The following NLGN1 variants were observed in gnomAD, a reference collection of about 807,000 sequenced individuals.
NLGN1 encodes neuroligin 1, also known as neuroligin-1.
A neutral mutation model predicts 65.5 loss-of-function variants in NLGN1; 12 were observed. The ratio of observed to expected loss-of-function variants is 0.18; its 90% CI spans 0.12 to 0.30. The LOEUF (loss-of-function observed/expected upper bound fraction) is 0.30, where lower values mean the gene tolerates loss of function less well. NLGN1 is among the 10% of genes least tolerant of loss of function. The probability of loss-of-function intolerance (pLI) is 1.00; values close to 1 mark genes in which losing one functional copy is unlikely to be tolerated. For missense variants in NLGN1, 750 were observed against 1,007.1 expected (o/e 0.74, Z 3.46); for synonymous variants, 350 against 359.5 (o/e 0.97, Z 0.30).
At chr3:174,060,069 C>T (rs1480153076) in intron 4 of NLGN1, among the ~76,000 whole-genome samples, 1 of 152,040 alleles carries the variant, frequency 6.6e-6, no homozygotes, top group Admixed American at 6.6e-5. Flanking sequence ...CATCATGGCA[C>T]CACCAATGTG....
At chr3:173,490,263 T>C (rs1728891482) in intron 2 of NLGN1, among the ~76,000 whole-genome samples, 1 of 152,204 alleles carries the variant, frequency 6.6e-6, no homozygotes, top group Non-Finnish European at 1.5e-5. Flanking sequence ...CTTGAATTTA[T>C]TTTTGTGTAA....
At chr3:174,267,365 T>A (rs963404666) in intron 4 of NLGN1, among the ~76,000 whole-genome samples, 1 of 151,980 alleles carries the variant, frequency 6.6e-6, no homozygotes, top group Non-Finnish European at 1.5e-5. Context: ...CCCAAACTCC[T>A]CCTAATAGGC....
At chr3:174,070,759 T>C (rs1020225441) in intron 4 of NLGN1, among the ~76,000 whole-genome samples, 10 of 152,296 alleles carry the variant, frequency 6.6e-5, no homozygotes, top group African/African-American at 2.4e-4. Flanking sequence ...GGTATACTCA[T>C]TGATAGTAAT....
intron 4 of NLGN1, among the ~76,000 whole-genome samples, chr3:174,100,192 A>G (rs1712083789): frequency 1.3e-5 from 2 of 151,892 alleles, no homozygotes. Flanking sequence ...TTTTGTTTCC[A>G]TTGTGTGATG....
intron 4 of NLGN1, among the ~76,000 whole-genome samples, chr3:174,028,320 TTGAATGAC>T (rs749364019): frequency 6.6e-6 from 1 of 152,122 alleles, no homozygotes; most frequent in Non-Finnish European, 1.5e-5. Flanking sequence ...TTGAGACTTG[TTGAATGAC>T]TTTGAAAAAA....
At chr3:174,005,134 C>G (rs1397190190) in intron 4 of NLGN1, among the ~76,000 whole-genome samples, 3 of 151,964 alleles carry the variant, frequency 2.0e-5, no homozygotes, top group African/African-American at 7.3e-5. Flanking sequence ...ACCTTTTATC[C>G]AAGGATATAA....
intron 4 of NLGN1, among the ~76,000 whole-genome samples, chr3:173,818,961 C>T (rs1471638036): frequency 1.5e-5 from 2 of 130,144 alleles, no homozygotes; most frequent in Non-Finnish European, 3.1e-5. Context: ...GACCTGGTGT[C>T]ATGATCTTTG....
intron 2 of NLGN1, among the ~76,000 whole-genome samples, chr3:173,489,394 TC>T (rs1322810733): frequency 1.3e-5 from 2 of 152,186 alleles, no homozygotes; most frequent in Non-Finnish European, 2.9e-5. Flanking sequence ...TTCATCTATG[TC>T]CCTACAAAGG....
At chr3:173,972,146 A>T (rs953267573) in intron 4 of NLGN1, among the ~76,000 whole-genome samples, 1 of 152,088 alleles carries the variant, frequency 6.6e-6, no homozygotes, top group Admixed American at 6.6e-5. Flanking sequence ...AATATCCCAC[A>T]TTTCTTTTCC....
In NLGN1 at chr3:173,604,819, TG is replaced by T; in HGVS notation, c.225del (p.Pro76LeufsTer81). ...AAGAAGGAACTCAATAATGAAATTT[TG>T]GGGCCTGTTATTCAATTTCTTGGGG... On this transcript the variant is annotated frameshift_variant, in exon 3 of 7. Transcript: ENST00000457714. LOFTEE classifies it high-confidence loss of function. 1 of 1,613,770 alleles carries T rather than the reference TG, an allele frequency of 6.2e-7. No homozygotes were observed. The highest frequency in any genetic ancestry group is 8.5e-7 in the Non-Finnish European group (1 of 1,179,768).
At chr3:174,031,090 C>T (rs952100214) in intron 4 of NLGN1, among the ~76,000 whole-genome samples, 8 of 152,078 alleles carry the variant, frequency 5.3e-5, no homozygotes, top group Non-Finnish European at 1.5e-5. Context: ...ATACTGGCAG[C>T]CAAGTTTATA....
At chr3:173,590,646 A>G (rs1225620108) in intron 2 of NLGN1, among the ~76,000 whole-genome samples, 1 of 152,186 alleles carries the variant, frequency 6.6e-6, no homozygotes, top group African/African-American at 2.4e-5. Flanking sequence ...GGATGTTAGT[A>G]ACTAAACATG....
At chr3:174,168,654 T>C (rs1727973346) in intron 4 of NLGN1, among the ~76,000 whole-genome samples, 1 of 152,144 alleles carries the variant, frequency 6.6e-6, no homozygotes, top group Non-Finnish European at 1.5e-5. Flanking sequence ...AGAAGCTGTC[T>C]GTTGTCTCAG....
chr3:173,961,685 G>C (rs1483546374), intron 4 of NLGN1, among the ~76,000 whole-genome samples: 3 of 152,024 alleles, frequency 2.0e-5, no homozygotes, highest in Admixed American at 2.0e-4. Flanking sequence ...CAAAAATGTG[G>C]ATGGGTGCCC....
At chr3:173,968,701 T>TC (rs1478952411) in intron 4 of NLGN1, among the ~76,000 whole-genome samples, 3 of 133,316 alleles carry the variant, frequency 2.3e-5, no homozygotes, top group African/African-American at 8.6e-5. Context: ...TTTTTTTTTT[T>TC]TTTTTTTTTT....
At chr3:173,810,545 A>G (rs955033798) in intron 4 of NLGN1, among the ~76,000 whole-genome samples, 10 of 152,214 alleles carry the variant, frequency 6.6e-5, no homozygotes, top group African/African-American at 2.4e-4. Context: ...GGTTGGAACA[A>G]TCAGGATGTC....
chr3:173,611,834 T>C (rs1306778763), intron 3 of NLGN1, among the ~76,000 whole-genome samples: 1 of 152,044 alleles, frequency 6.6e-6, no homozygotes, highest in East Asian at 1.9e-4. Flanking sequence ...GAAACTGGGG[T>C]TGAAGTTGAA....
rs146567891 is a variant in NLGN1, at chr3:173,718,354, A to G, written c.494-89326A>G. 2.8e-3 allele frequency among the ~76,000 whole-genome samples: 427 copies of G among 152,246 alleles called. 2 individuals carry two copies. Among genetic ancestry groups the G allele is most frequent in the African/African-American group, 9.6e-3 (400 of 41,566 alleles). On this transcript the variant is annotated intron_variant, in intron 3 of 6. Transcript: ENST00000457714. ...ATTCTACTCCCTACCTCCATGAAATATCAATCTTTTTAGTTCCCAAATATG... is the reference window on the plus strand; with the variant it reads ...ATTCTACTCCCTACCTCCATGAAATGTCAATCTTTTTAGTTCCCAAATATG...
intron 4 of NLGN1, among the ~76,000 whole-genome samples, chr3:173,862,170 GT>G (rs1177983083): frequency 1.3e-5 from 2 of 151,900 alleles, no homozygotes; most frequent in African/African-American, 4.8e-5. Flanking sequence ...GAGGATTACT[GT>G]TCAAATCAAT....
Sources: gnomAD v4.1 joint callset for allele counts (sites outside exome capture counted in the v4.1 genomes callset) on GRCh38, gnomAD v4.1.1 for gene constraint, MANE v1.5 for transcripts, NCBI Gene and HGNC (gene_info 2026-07-23, HGNC 2026-07-21) for gene names.